STAU2: variants seen among roughly 807,000 people sequenced by gnomAD.
The protein encoded by STAU2 is staufen double-stranded RNA binding protein 2.
Under a neutral mutation model 65.9 loss-of-function variants are expected in STAU2, and 20 were observed. That is an observed-to-expected ratio of 0.30 (90% CI 0.21 to 0.44). The LOEUF is 0.44. Among genes scored for constraint, STAU2 ranks in the 20% least tolerant of loss-of-function variants. The pLI is 1.00. For synonymous variants in STAU2, 232 were observed against 233.9 expected (o/e 0.99, Z 0.07); for missense variants, 558 against 683.9 (o/e 0.82, Z 2.05).
At chr8:73,447,023 C>T (rs1457469106) in intron 13 of STAU2, among the ~76,000 whole-genome samples, 1 of 152,206 alleles carries the variant, frequency 6.6e-6, no homozygotes, top group African/African-American at 2.4e-5. Flanking sequence ...CTCACTGCAA[C>T]CTCCGCGTCC....
intron 12 of STAU2, 60 bp from the exon 13 acceptor site, chr8:73,552,379 C>T (rs1807395961): frequency 2.1e-6 from 3 of 1,426,296 alleles, no homozygotes; most frequent in African/African-American, 2.9e-5. Flanking sequence ...AGAAACATAG[C>T]ATTATTAACT....
chr8:73,434,167 A>G (rs1817529669), intron 13 of STAU2, among the ~76,000 whole-genome samples: 2 of 150,270 alleles, frequency 1.3e-5, no homozygotes. Context: ...AAGAAAGGCA[A>G]TGTTGCTGGT....
rs145959275 is a variant in STAU2 at position 73,433,782 on chromosome 8, C to T, written c.1531-11080G>A. Among the ~76,000 whole-genome samples the T allele has an allele frequency of 7.2e-3, 1,098 of 151,942 alleles. 47 individuals are homozygous for T. The highest frequency in any genetic ancestry group is 0.026 in the African/African-American group (1,056 of 41,226). On this transcript the variant is annotated intron_variant, in intron 13 of 14. Transcript: ENST00000524300. ...CCGCCCAAAGTGTTGGGATTACAGG[C>T]GTGAGCCACCGTGCCTGGCCTATTT... is the stretch of plus-strand genomic sequence containing the variant.
At chr8:73,473,327 A>T (rs376994356) in intron 13 of STAU2, among the ~76,000 whole-genome samples, 7 of 152,346 alleles carry the variant, frequency 4.6e-5, no homozygotes, top group African/African-American at 1.7e-4. Flanking sequence ...CTCTTGGAGC[A>T]TCCCAGATCC....
chr8:73,613,311 T>C (rs968240733), intron 9 of STAU2, among the ~76,000 whole-genome samples: 1 of 152,194 alleles, frequency 6.6e-6, no homozygotes, highest in Admixed American at 6.5e-5. Context: ...CAGCCATGTG[T>C]GCAGAAAGAA....
chr8:73,692,623 A>G (rs1819408350), intron 4 of STAU2, among the ~76,000 whole-genome samples: 1 of 152,224 alleles, frequency 6.6e-6, no homozygotes, highest in Non-Finnish European at 1.5e-5. Context: ...GAACCTGAGA[A>G]GAGGGTGCTG....
intron 6 of STAU2, among the ~76,000 whole-genome samples, chr8:73,618,786 C>A (rs577177870): frequency 6.6e-6 from 1 of 152,116 alleles, no homozygotes; most frequent in Non-Finnish European, 1.5e-5. Flanking sequence ...ATGGAAGTAA[C>A]GAGAAGTCAT....
At chr8:73,558,797 T>C (rs1219006477) in intron 12 of STAU2, among the ~76,000 whole-genome samples, 2 of 146,336 alleles carry the variant, frequency 1.4e-5, no homozygotes, top group African/African-American at 4.9e-5. Context: ...CTTTTCATTT[T>C]TCACAGAAAA....
At chr8:73,555,360 T>C (rs1807659694) in intron 12 of STAU2, among the ~76,000 whole-genome samples, 2 of 152,076 alleles carry the variant, frequency 1.3e-5, no homozygotes, top group Non-Finnish European at 2.9e-5. Flanking sequence ...CAAATGCAGG[T>C]GGAGGCACGC....
At chr8:73,542,786 A>G (rs1039103665) in intron 13 of STAU2, among the ~76,000 whole-genome samples, 7 of 152,200 alleles carry the variant, frequency 4.6e-5, no homozygotes, top group African/African-American at 1.7e-4. Flanking sequence ...TCTCAATAAA[A>G]TAAGACTGAC....
intron 13 of STAU2, among the ~76,000 whole-genome samples, chr8:73,463,040 A>G (rs1391892088): frequency 6.6e-6 from 1 of 152,186 alleles, no homozygotes; most frequent in Non-Finnish European, 1.5e-5. Context: ...CGGCCTCTCC[A>G]CTTGCACTTC....
At chr8:73,614,433 T>C (rs772855906) in intron 8 of STAU2, among the ~76,000 whole-genome samples, 1 of 152,178 alleles carries the variant, frequency 6.6e-6, no homozygotes, top group Non-Finnish European at 1.5e-5. Context: ...AGTCAATGGA[T>C]AAAAATAAGC....
intron 6 of STAU2, chr8:73,669,105 T>C: frequency 1.4e-6 from 1 of 702,150 alleles, no homozygotes; most frequent in Admixed American, 2.0e-5. Context: ...ATTCAAGTGT[T>C]GCCATCTATA....
chr8:73,597,343 A>T (rs1459369322), intron 10 of STAU2, among the ~76,000 whole-genome samples: 3 of 152,018 alleles, frequency 2.0e-5, no homozygotes. Flanking sequence ...TCACTTCTGT[A>T]GCATTACAAA....
At chr8:73,723,532 G>C (rs1364923990) in intron 3 of STAU2, among the ~76,000 whole-genome samples, 1 of 152,136 alleles carries the variant, frequency 6.6e-6, no homozygotes, top group Non-Finnish European at 1.5e-5. Flanking sequence ...TTGGCTGCTT[G>C]AGTGTGTCCC....
chr8:73,552,681 A>C (rs1807424927), intron 12 of STAU2, among the ~76,000 whole-genome samples: 1 of 152,184 alleles, frequency 6.6e-6, no homozygotes, highest in Non-Finnish European at 1.5e-5. Flanking sequence ...TATATCTCAT[A>C]AAAGAGGCAT....
intron 5 of STAU2, among the ~76,000 whole-genome samples, chr8:73,687,245 T>C (rs1186050746): frequency 1.6e-5 from 2 of 129,032 alleles, no homozygotes; most frequent in South Asian, 2.4e-4. Context: ...TTAATTTAAA[T>C]ATAAATTAAT....
intron 13 of STAU2, among the ~76,000 whole-genome samples, chr8:73,524,186 T>A (rs1823215936): frequency 6.6e-6 from 1 of 152,120 alleles, no homozygotes; most frequent in Non-Finnish European, 1.5e-5. Context: ...TGAGAAGCAG[T>A]CAGGTCAGAG....
chr8:73,726,908 T>A (rs974149175), intron 3 of STAU2, among the ~76,000 whole-genome samples: 4 of 152,190 alleles, frequency 2.6e-5, no homozygotes, highest in African/African-American at 7.2e-5. Context: ...TGAGGTAGAA[T>A]TGACATAATA....
Sources: gnomAD v4.1 joint callset for allele counts (sites outside exome capture counted in the v4.1 genomes callset) on GRCh38, gnomAD v4.1.1 for gene constraint, MANE v1.5 for transcripts, NCBI Gene and HGNC (gene_info 2026-07-23, HGNC 2026-07-21) for gene names.